The following ANKRD28 variants were observed in gnomAD, a reference collection of about 807,000 sequenced individuals.
ANKRD28 encodes serine/threonine-protein phosphatase 6 regulatory ankyrin repeat subunit A.
In ANKRD28, 44 loss-of-function variants were observed where a neutral mutation model predicts 126.5. The ratio of observed to expected loss-of-function variants is 0.35; its 90% CI spans 0.27 to 0.45. ANKRD28 has a LOEUF of 0.45. Among genes scored for constraint, ANKRD28 ranks in the 20% least tolerant of loss-of-function variants. The probability of loss-of-function intolerance (pLI) is 1.00; values close to 1 mark genes in which losing one functional copy is unlikely to be tolerated. For synonymous variants in ANKRD28, 442 were observed against 468.5 expected, an observed-to-expected ratio of 0.94 and a Z score of 0.73; for missense variants, 1,110 against 1,316.6, an observed-to-expected ratio of 0.84 and a Z score of 2.43.
intron 2 of ANKRD28, chr3:15,781,416 CACAA>C (rs2059534899): frequency 6.6e-6 from 1 of 151,860 alleles, no homozygotes; most frequent in African/African-American, 2.4e-5. Flanking sequence ...AAAAAAAAAT[CACAA>C]ACAATAAGTG....
Position 15,796,477 on chromosome 3 carries a change from T to C in ANKRD28, c.45A>G (p.Glu15=), listed in dbSNP as rs1230508604. Residue 15 remains glutamate (E), a synonymous_variant, in exon 1 of 28, where the codon GAA becomes GAG. Transcript: ENST00000683139. The stretch of plus-strand genomic sequence containing the variant: ...GCAATTTAGAAATGAATGCAGGAGA[T>C]TCATCTTCTACCTCCTCCAAAACAA... ...CIVVLEEVED[E]SPAFISKLPQ... The C allele has an allele frequency of 3.1e-6, 4 of 1,288,898 alleles. No individual in the cohort carries two copies. The Admixed American group carries it at 9.2e-5, about 30-fold the overall frequency. The allele number at this position is 1,288,898 out of a possible 1,614,324, so 79.8% of individuals were successfully genotyped here.
chr3:15,726,590 A>T (rs2262664), intron 6 of ANKRD28, among the ~76,000 whole-genome samples: 75,039 of 151,788 alleles, frequency 0.49, 20,410 homozygotes, highest in Middle Eastern at 0.61. Flanking sequence ...TAACGAAAAA[A>T]GATGTCCCTG....
chr3:15,750,616 G>GT (rs1367013653), intron 4 of ANKRD28, among the ~76,000 whole-genome samples: 1 of 152,180 alleles, frequency 6.6e-6, no homozygotes, highest in Non-Finnish European at 1.5e-5. Context: ...TAATTACAGG[G>GT]TTTGTAATCC....
chr3:15,714,230 G>A (rs1009295154), intron 9 of ANKRD28, among the ~76,000 whole-genome samples: 1 of 152,002 alleles, frequency 6.6e-6, no homozygotes, highest in Non-Finnish European at 1.5e-5. Context: ...CTCAACAGGG[G>A]AAAATGATAC....
At chr3:15,807,435 A>G (rs1446657382) in intron 1 of ANKRD28, among the ~76,000 whole-genome samples, 1 of 152,238 alleles carries the variant, frequency 6.6e-6, no homozygotes, top group Non-Finnish European at 1.5e-5. Context: ...CAAGGAAATC[A>G]TTTTATAAAT....
chr3:15,803,115 T>G (rs1487935040), intron 1 of ANKRD28, among the ~76,000 whole-genome samples: 1 of 152,202 alleles, frequency 6.6e-6, no homozygotes, highest in Non-Finnish European at 1.5e-5. Flanking sequence ...AAAGTTTGTA[T>G]TTTTCATCAA....
rs983569060 is a variant in ANKRD28 at position 15,812,170 on chromosome 3, A to T, written c.28-16864T>A. Among the ~76,000 whole-genome samples, 1 of 126,088 alleles carries T rather than the reference A, an allele frequency of 7.9e-6. No homozygotes were observed. The highest frequency in any genetic ancestry group is 3.5e-5 in the African/African-American group (1 of 28,938). 82.7% of individuals were successfully genotyped at this position (126,088 alleles called of 152,430 possible). On this transcript the variant is annotated intron_variant, in intron 1 of 27. Coordinates refer to the ANKRD28 transcript ENST00000399451. The surrounding 1 kb of genome is among the most constrained non-coding windows in gnomAD (Gnocchi z 4.1). ...TCTGGCAAACAAAACAAAACAAAAC[A>T]AAACGAAACCCAAAACAACAATAAA...
intron 2 of ANKRD28, 30 bp downstream of exon 2, chr3:15,795,193 A>T (rs746866189): frequency 7.0e-7 from 1 of 1,438,724 alleles, no homozygotes; most frequent in Admixed American, 1.7e-5. Context: ...GCAGTTTTAA[A>T]GGCTGGCATC....
At position 15,713,621 on chromosome 3, in the gene ANKRD28, C is replaced by T. The variant is rs371050388; in HGVS notation, c.1096G>A (p.Asp366Asn). ...IQSGAVIDCE[D>N]KNGNTPLHIA... is the part of the protein sequence containing the mutation. ...TGCAAAGGGGTATTTCCATTCTTATCCTCACAGTCGATTACAGCTCCTGCA... is the reference window on the plus strand; with the variant it reads ...TGCAAAGGGGTATTTCCATTCTTATTCTCACAGTCGATTACAGCTCCTGCA... The change falls in exon 10 of 28, where the codon GAT (aspartate) becomes AAT (asparagine). Residue 366 changes from aspartate (D) to asparagine (N), a missense_variant. Physicochemically the swap from Asp to Asn is conservative, Grantham distance 23 (BLOSUM62 1). Transcript: ENST00000683139. 6.2e-7 allele frequency: 1 copy of T among 1,607,780 alleles called. No individual in the cohort carries two copies. The highest frequency in any genetic ancestry group is 8.5e-7 in the Non-Finnish European group (1 of 1,177,628).
rs1349776183 is a variant in ANKRD28 at position 15,817,504 on chromosome 3, TTGTG to T, written c.28-22202_28-22199del. 6.6e-6 allele frequency among the ~76,000 whole-genome samples: 1 copy of T among 152,154 alleles called. No individual in the cohort carries two copies. The highest frequency in any genetic ancestry group is 1.5e-5 in the Non-Finnish European group (1 of 68,028). ...CAATAAGTGCTCTCCTAAAAGTTTG[TTGTG>T]TGTATCTGTGACAGAGGGAGACAGA... On this transcript the variant is annotated intron_variant, in intron 1 of 27. Coordinates refer to the ANKRD28 transcript ENST00000399451. This position sits in a 1 kb window ranked among gnomAD's most constrained non-coding sequence, Gnocchi z 4.5.
chr3:15,714,585 G>C lies in ANKRD28; in HGVS notation c.1068C>G (p.Ile356Met). ...HGRFSRSQTIIQSGAVIDCED... is the reference protein window; with the variant it reads ...HGRFSRSQTIMQSGAVIDCED... ...AACAGAAATACTTTTTACCACTCTG[G>C]ATAATGGTTTGTGATCGGGAGAATC... is the stretch of plus-strand genomic sequence containing the variant. The change falls in exon 9 of 28, where the codon ATC becomes ATG. Residue 356 changes from isoleucine to methionine, a missense_variant. Coordinates refer to ENST00000683139, the MANE Select transcript of ANKRD28 (RefSeq NM_001349278.2). 1 of 1,586,858 alleles carries C rather than the reference G, an allele frequency of 6.3e-7. No homozygotes were observed. Among genetic ancestry groups the C allele is most frequent in the Non-Finnish European group, 8.5e-7 (1 of 1,171,408 alleles).
intron 2 of ANKRD28, among the ~76,000 whole-genome samples, chr3:15,772,342 G>T (rs2059056252): frequency 6.6e-6 from 1 of 151,774 alleles, no homozygotes; most frequent in Non-Finnish European, 1.5e-5. Context: ...TAACTAAGAG[G>T]GGATTATCAA....
chr3:15,749,267 C>T (rs967775506), intron 4 of ANKRD28, among the ~76,000 whole-genome samples: 1 of 150,718 alleles, frequency 6.6e-6, no homozygotes, highest in African/African-American at 2.4e-5. Flanking sequence ...CCCGCCACCG[C>T]GCCCGGCTAA....
At chr3:15,718,550 T>C (rs527932795) in intron 8 of ANKRD28, among the ~76,000 whole-genome samples, 15 of 152,270 alleles carry the variant, frequency 9.9e-5, no homozygotes, top group Admixed American at 6.5e-4. Flanking sequence ...ACAGGTACTA[T>C]AGTCACCTAA....
At chr3:15,789,900 C>T (rs909515462) in intron 2 of ANKRD28, among the ~76,000 whole-genome samples, 1 of 151,718 alleles carries the variant, frequency 6.6e-6, no homozygotes, top group African/African-American at 2.4e-5. Context: ...AGAAGAAGAT[C>T]CAAATAAAAT....
Position 15,668,610 on chromosome 3 carries a change from C to A in ANKRD28, c.*1660G>T, listed in dbSNP as rs2125558591. On this transcript the variant is annotated 3_prime_UTR_variant, in exon 28 of 28. Transcript: ENST00000683139. ...ATACAAATACATTATTCATTAAATA[C>A]AACTCACATCTGTGTTTTATTATAC... 1 of 152,524 alleles carries A rather than the reference C, an allele frequency of 6.6e-6. No individual in the cohort carries two copies. Among genetic ancestry groups the A allele is most frequent in the East Asian group, 1.9e-4 (1 of 5,178 alleles). 9.4% of individuals were successfully genotyped at this position (152,524 alleles called of 1,614,324 possible). A position where few individuals can be genotyped will look rare whatever the true frequency, so the allele number is the denominator to read the frequency against.
rs1008818776 is a variant in ANKRD28, at chr3:15,854,735, TCC to T, written c.27+4640_27+4641del. ...AGATGGTAGCTACTTCACCCTTGTG[TCC>T]CCTGTCATCTCCAGCACAAAACAGG... is the stretch of plus-strand genomic sequence containing the variant. On this transcript the variant is annotated intron_variant, in intron 1 of 27. Coordinates refer to the ANKRD28 transcript ENST00000399451. The surrounding 1 kb of genome is among the most constrained non-coding windows in gnomAD (Gnocchi z 4.1). 1.3e-5 allele frequency among the ~76,000 whole-genome samples: 2 copies of T among 152,056 alleles called. No individual in the cohort carries two copies. The highest frequency in any genetic ancestry group is 2.4e-5 in the African/African-American group (1 of 41,408).
intron 1 of ANKRD28, among the ~76,000 whole-genome samples, chr3:15,844,929 C>T (rs563633541): frequency 6.8e-4 from 103 of 152,232 alleles, no homozygotes; most frequent in African/African-American, 2.4e-3. Context: ...GGAAGCATAG[C>T]GGTTTCTGCT....
intron 1 of ANKRD28, among the ~76,000 whole-genome samples, chr3:15,829,559 T>C (rs2061144873): frequency 6.6e-6 from 1 of 152,206 alleles, no homozygotes; most frequent in Non-Finnish European, 1.5e-5. Context: ...AACCCATGTG[T>C]CATTTTACAA....
Sources: gnomAD v4.1 joint callset for allele counts (sites outside exome capture counted in the v4.1 genomes callset) on GRCh38, gnomAD v4.1.1 for gene constraint, Gnocchi (gnomAD v3.1) non-coding constraint, MANE v1.5 for transcripts, NCBI Gene and HGNC (gene_info 2026-07-23, HGNC 2026-07-21) for gene names.